Variants in UTRN observed in about 807,000 individuals in gnomAD.
UTRN encodes utrophin.
UTRN carries 283 observed loss-of-function variants against 463.9 expected under a neutral mutation model. The ratio of observed to expected loss-of-function variants is 0.61; its 90% CI spans 0.55 to 0.67. The LOEUF (loss-of-function observed/expected upper bound fraction) is 0.67. Ranked by LOEUF, UTRN falls within the 30% of genes least tolerant of loss-of-function variation. The probability of loss-of-function intolerance (pLI) is 0.00; values close to 1 mark genes in which losing one functional copy is unlikely to be tolerated. For synonymous variants in UTRN, 1,442 were observed against 1,431.5 expected (o/e 1.01, Z -0.17); for missense variants, 3,922 against 4,084.3 (o/e 0.96, Z 1.08).
chr6:144,555,338 A>G (rs1376839376), intron 49 of UTRN, among the ~76,000 whole-genome samples: 4 of 152,246 alleles, frequency 2.6e-5, no homozygotes, highest in African/African-American at 9.6e-5. Context: ...GGGAGGTACC[A>G]GGAAACTTAA....
intron 2 of UTRN, among the ~76,000 whole-genome samples, chr6:144,302,309 G>T (rs531208962): frequency 6.6e-6 from 1 of 152,162 alleles, no homozygotes; most frequent in South Asian, 2.1e-4. Flanking sequence ...TCAGGAGTTC[G>T]AGACCAGCCT....
chr6:144,808,042 C>G (rs1354934348), intron 65 of UTRN, among the ~76,000 whole-genome samples: 1 of 152,102 alleles, frequency 6.6e-6, no homozygotes, highest in Non-Finnish European at 1.5e-5. Context: ...TGACTTAACT[C>G]CATTAGGGAA....
At chr6:144,752,724 TTC>T (rs1791537583) in intron 56 of UTRN, among the ~76,000 whole-genome samples, 1 of 152,208 alleles carries the variant, frequency 6.6e-6, no homozygotes, top group African/African-American at 2.4e-5. Flanking sequence ...GAAATATTTG[TTC>T]TTTATTCTTT....
intron 34 of UTRN, among the ~76,000 whole-genome samples, chr6:144,509,255 G>T (rs1376131437): frequency 6.6e-6 from 1 of 151,872 alleles, no homozygotes; most frequent in Non-Finnish European, 1.5e-5. Flanking sequence ...TATATGCACA[G>T]GAGTTTATTC....
intron 54 of UTRN, among the ~76,000 whole-genome samples, chr6:144,733,770 A>G (rs1055731226): frequency 4.6e-5 from 7 of 152,192 alleles, no homozygotes; most frequent in African/African-American, 1.7e-4. Context: ...GTCCAAGGCT[A>G]TTCACTTAAC....
Position 144,744,352 on chromosome 6 carries a change from G to GTA in UTRN, c.7940-3891_7940-3890dup, listed in dbSNP as rs755214897. On this transcript the variant is annotated intron_variant, in intron 54 of 74. Coordinates refer to ENST00000367545, the MANE Select transcript of UTRN (RefSeq NM_007124.3). ...TGTGTGTGTGTGTGTGTGTGTGTGT[G>GTA]TATAAAATTTTTAAATATATAGATA... 9.0e-3 allele frequency among the ~76,000 whole-genome samples: 1,217 copies of GTA among 135,716 alleles called. 29 individuals carry two copies. The highest frequency in any genetic ancestry group is 0.042 in the East Asian group (198 of 4,726). The allele number at this position is 135,716 out of a possible 152,430, so 89.0% of individuals were successfully genotyped here.
chr6:144,321,461 CTTTTTTTTTT>C (rs529134208), intron 2 of UTRN, among the ~76,000 whole-genome samples: 8,621 of 100,532 alleles, frequency 0.086, 944 homozygotes, highest in African/African-American at 0.29. Flanking sequence ...TGTGCCATAT[CTTTTTTTTTT>C]TTTTTTTTTT....
At chr6:144,660,381 T>C in intron 51 of UTRN, 1 of 421,058 alleles carries the variant, frequency 2.4e-6, no homozygotes, top group South Asian at 1.8e-5. Context: ...GGTGGTTTAG[T>C]ATAATTTATA....
chr6:144,845,237 G>A (rs1037662473), intron 73 of UTRN, among the ~76,000 whole-genome samples: 35 of 152,186 alleles, frequency 2.3e-4, no homozygotes, highest in Admixed American at 2.3e-3. Context: ...CAATTAACAA[G>A]TGTACTTACT....
chr6:144,787,245 C>A (rs1251381120), intron 61 of UTRN, among the ~76,000 whole-genome samples: 2 of 152,088 alleles, frequency 1.3e-5, no homozygotes, highest in African/African-American at 2.4e-5. Context: ...TTGTCTGTTT[C>A]ATGTGATAAT....
At chr6:144,615,436 A>T (rs1805979387) in intron 51 of UTRN, among the ~76,000 whole-genome samples, 1 of 152,100 alleles carries the variant, frequency 6.6e-6, no homozygotes, top group South Asian at 2.1e-4. Flanking sequence ...TTCTCCTGGG[A>T]AGCCTATCTC....
chr6:144,394,910 G>A (rs1782263268), intron 2 of UTRN, among the ~76,000 whole-genome samples: 1 of 152,082 alleles, frequency 6.6e-6, no homozygotes. Context: ...ATTTTGACAA[G>A]TAGAACTTGT....
chr6:144,492,233 GC>G (rs770828959), intron 32 of UTRN, among the ~76,000 whole-genome samples: 16 of 152,028 alleles, frequency 1.1e-4, no homozygotes, highest in Non-Finnish European at 2.9e-5. Flanking sequence ...GTGCATGTGT[GC>G]CCATTGTTTA....
At chr6:144,578,553 T>G (rs1480288519) in intron 51 of UTRN, among the ~76,000 whole-genome samples, 2 of 152,180 alleles carry the variant, frequency 1.3e-5, no homozygotes, top group Admixed American at 6.5e-5. Context: ...CAGGCTGGTC[T>G]CAAACTCTTG....
chr6:144,417,999 T>A (rs187296145), intron 3 of UTRN, among the ~76,000 whole-genome samples: 2 of 152,142 alleles, frequency 1.3e-5, no homozygotes, highest in East Asian at 3.9e-4. Context: ...TTTATTACAC[T>A]TTTCTGCCAA....
At position 144,513,681 on chromosome 6, in the gene UTRN, T is replaced by C. The variant is rs79501831; in HGVS notation, c.4945-228T>C. On this transcript the variant is annotated intron_variant, in intron 35 of 74. Coordinates refer to ENST00000367545, the MANE Select transcript of UTRN (RefSeq NM_007124.3). ...CTTTTATTCTACTTCAACTTTTTAT[T>C]GTGCTGAGGTCTAAATCAAATAAAT... Among the ~76,000 whole-genome samples, 972 of 152,352 alleles carry C rather than the reference T, an allele frequency of 6.4e-3. 14 individuals carry two copies. Among genetic ancestry groups the C allele is most frequent in the African/African-American group, 0.022 (895 of 41,576 alleles).
chr6:144,424,569 C>A (rs1235521285), intron 6 of UTRN, among the ~76,000 whole-genome samples: 1 of 152,020 alleles, frequency 6.6e-6, no homozygotes, highest in Non-Finnish European at 1.5e-5. Flanking sequence ...GAACATAATT[C>A]AACTCATAAC....
chr6:144,305,868 T>C (rs1450952630), intron 2 of UTRN, among the ~76,000 whole-genome samples: 4 of 152,248 alleles, frequency 2.6e-5, no homozygotes, highest in African/African-American at 9.6e-5. Context: ...GGGAATGAAT[T>C]TGTGCATTGC....
chr6:144,589,732 T>C (rs928989064), intron 51 of UTRN, among the ~76,000 whole-genome samples: 2 of 152,228 alleles, frequency 1.3e-5, no homozygotes, highest in African/African-American at 4.8e-5. Context: ...GAACATTCCA[T>C]GTTCCTTTAA....
Sources: gnomAD v4.1 joint callset for allele counts (sites outside exome capture counted in the v4.1 genomes callset) on GRCh38, gnomAD v4.1.1 for gene constraint, MANE v1.5 for transcripts, NCBI Gene and HGNC (gene_info 2026-07-23, HGNC 2026-07-21) for gene names.